Variants in AAMDC observed in about 807,000 individuals in gnomAD.
AAMDC encodes mth938 domain-containing protein.
Under a neutral mutation model 15.5 loss-of-function variants are expected in AAMDC, and 16 were observed. The observed-to-expected ratio is 1.03, with a 90% CI of 0.70 to 1.57. The LOEUF (loss-of-function observed/expected upper bound fraction) is 1.57, where lower values mean the gene tolerates loss of function less well. Among genes scored for constraint, AAMDC ranks in the 40% most tolerant of loss-of-function variants. The probability of loss-of-function intolerance (pLI) is 0.00; values close to 1 mark genes in which losing one functional copy is unlikely to be tolerated. For synonymous variants in AAMDC, 51 were observed against 51.6 expected, an observed-to-expected ratio of 0.99 and a Z score of 0.05; for missense variants, 141 against 144.9, an observed-to-expected ratio of 0.97 and a Z score of 0.14.
chr11:77,833,300 G>A (rs1949539147), intron 1 of AAMDC, among the ~76,000 whole-genome samples: 2 of 151,944 alleles, frequency 1.3e-5, no homozygotes, highest in Non-Finnish European at 2.9e-5. Context: ...GAATCAGTGG[G>A]AGCCCTGAGC....
intron 3 of AAMDC, among the ~76,000 whole-genome samples, chr11:77,871,437 C>G (rs916144412): frequency 6.6e-6 from 1 of 152,194 alleles, no homozygotes; most frequent in African/African-American, 2.4e-5. Flanking sequence ...AAACAAGGTT[C>G]ATGCCCCTCA....
downstream of AAMDC, among the ~76,000 whole-genome samples, chr11:77,877,255 GTTAA>G (rs3832726): frequency 0.4 from 61,197 of 151,726 alleles, 12,932 homozygotes; most frequent in African/African-American, 0.53. Flanking sequence ...TACCTAGAGA[GTTAA>G]TTAATTAATG....
At chr11:77,889,806 A>G (rs1952184546) in intron 5 of AAMDC, among the ~76,000 whole-genome samples, 1 of 152,130 alleles carries the variant, frequency 6.6e-6, no homozygotes, top group Non-Finnish European at 1.5e-5. Context: ...CTCTACCTAT[A>G]AGGTATCTAA....
chr11:77,862,915 T>C (rs1950943235), intron 2 of AAMDC, among the ~76,000 whole-genome samples: 1 of 152,124 alleles, frequency 6.6e-6, no homozygotes, highest in African/African-American at 2.4e-5. Flanking sequence ...CCAGAATATA[T>C]CTTAGGGGTG....
rs1242435557 is a variant in AAMDC, at chr11:77,883,304, T to C, written c.328+6255T>C. Among the ~76,000 whole-genome samples, 3 of 152,176 alleles carry C rather than the reference T, an allele frequency of 2.0e-5. No individual in the cohort carries two copies. The East Asian group carries it at 5.8e-4, about 29-fold the overall frequency. On this transcript the variant is annotated intron_variant, in intron 5 of 5. Transcript: ENST00000304716. ...GCAGACTGAGGTCTTCTTAAGTTTT[T>C]TAAAGCAGGCTTACAGGCTTGAAAT... is the stretch of plus-strand genomic sequence containing the variant.
At chr11:77,858,444 G>C (rs1370069981) in intron 2 of AAMDC, among the ~76,000 whole-genome samples, 1 of 151,240 alleles carries the variant, frequency 6.6e-6, no homozygotes, top group Non-Finnish European at 1.5e-5. Flanking sequence ...TAGATGATTG[G>C]CTATTTCTTT....
At chr11:77,836,620 G>A (rs1949693116) in intron 1 of AAMDC, among the ~76,000 whole-genome samples, 2 of 152,166 alleles carry the variant, frequency 1.3e-5, no homozygotes, top group Admixed American at 6.5e-5. Context: ...AAACATACTC[G>A]TTATGTCTCT....
chr11:77,903,629 A>T, downstream of AAMDC: 1 of 1,610,368 alleles, frequency 6.2e-7, no homozygotes. Context: ...GCCTACGCAG[A>T]CAAATCAGGA....
chr11:77,860,947 G>C (rs1275259080), intron 2 of AAMDC, among the ~76,000 whole-genome samples: 1 of 152,100 alleles, frequency 6.6e-6, no homozygotes, highest in Non-Finnish European at 1.5e-5. Flanking sequence ...TAAAATTGGA[G>C]TATTGCAGGG....
intron 2 of AAMDC, among the ~76,000 whole-genome samples, chr11:77,860,461 T>C (rs1462471249): frequency 2.0e-5 from 3 of 152,240 alleles, no homozygotes; most frequent in Admixed American, 6.5e-5. Context: ...TTTAGCCTGC[T>C]GTGAGCAGAG....
chr11:77,828,125 A>C (rs900285209), intron 1 of AAMDC, among the ~76,000 whole-genome samples: 2 of 151,860 alleles, frequency 1.3e-5, no homozygotes, highest in African/African-American at 4.8e-5. Flanking sequence ...AATACAAAAA[A>C]CTAGCTGGGC....
intron 1 of AAMDC, among the ~76,000 whole-genome samples, chr11:77,822,471 AAAG>A (rs1249594052): frequency 6.6e-6 from 1 of 151,944 alleles, no homozygotes; most frequent in Non-Finnish European, 1.5e-5. Flanking sequence ...ACCATGTAAA[AAAG>A]AGAAATCTGT....
intron 3 of AAMDC, among the ~76,000 whole-genome samples, chr11:77,870,756 A>G (rs184867337): frequency 1.3e-5 from 2 of 152,360 alleles, no homozygotes; most frequent in Non-Finnish European, 2.9e-5. Context: ...CATTTGATGT[A>G]TATTTCTCCA....
chr11:77,900,389 A>T (rs537007180), intron 5 of AAMDC, among the ~76,000 whole-genome samples: 43 of 152,100 alleles, frequency 2.8e-4, no homozygotes, highest in Admixed American at 4.6e-4. Context: ...GTGAGCCACC[A>T]CACCCGGCCA....
At chr11:77,827,040 G>A (rs1949208632) in intron 1 of AAMDC, among the ~76,000 whole-genome samples, 1 of 152,148 alleles carries the variant, frequency 6.6e-6, no homozygotes, top group South Asian at 2.1e-4. Flanking sequence ...AGGAGGCAGA[G>A]GTTGCAGTGA....
At chr11:77,846,502 T>G (rs1177742270) in intron 2 of AAMDC, among the ~76,000 whole-genome samples, 1 of 151,754 alleles carries the variant, frequency 6.6e-6, no homozygotes, top group Non-Finnish European at 1.5e-5. Flanking sequence ...AGGTCAGGAG[T>G]TCGAGAGCAG....
At chr11:77,900,388 C>A (rs956559827) in intron 5 of AAMDC, among the ~76,000 whole-genome samples, 7 of 152,250 alleles carry the variant, frequency 4.6e-5, no homozygotes, top group Admixed American at 2.0e-4. Context: ...TGTGAGCCAC[C>A]ACACCCGGCC....
At chr11:77,887,495 C>A (rs995104792) in intron 5 of AAMDC, among the ~76,000 whole-genome samples, 1 of 152,078 alleles carries the variant, frequency 6.6e-6, no homozygotes, top group African/African-American at 2.4e-5. Flanking sequence ...GGAAGCATTC[C>A]CTTTGAAAAC....
downstream of AAMDC, chr11:77,876,996 T>C (rs780294971): frequency 6.0e-5 from 42 of 703,152 alleles, no homozygotes; most frequent in Non-Finnish European, 1.1e-4. Flanking sequence ...AGGGCTGTGG[T>C]ACAATTCCAC....
Sources: gnomAD v4.1 joint callset for allele counts (sites outside exome capture counted in the v4.1 genomes callset) on GRCh38, gnomAD v4.1.1 for gene constraint, MANE v1.5 for transcripts, NCBI Gene and HGNC (gene_info 2026-07-23, HGNC 2026-07-21) for gene names.